NKD1: variants seen among roughly 807,000 people sequenced by gnomAD.
NKD1 encodes protein naked cuticle homolog 1.
A neutral mutation model predicts 56.0 loss-of-function variants in NKD1; 21 were observed. The observed-to-expected ratio is 0.38, with a 90% confidence interval of 0.27 to 0.54. The LOEUF (loss-of-function observed/expected upper bound fraction) is 0.54, where lower values mean the gene tolerates loss of function less well. NKD1 is among the 20% of genes least tolerant of loss of function. The pLI is 0.82. For synonymous variants in NKD1, 263 were observed against 265.7 expected (o/e 0.99, Z 0.10); for missense variants, 578 against 642.7 (o/e 0.90, Z 1.09).
intron 3 of NKD1, among the ~76,000 whole-genome samples, chr16:50,579,561 C>T (rs111360852): frequency 2.5e-5 from 3 of 119,372 alleles, no homozygotes; most frequent in East Asian, 4.9e-4. Flanking sequence ...CACTCTAACC[C>T]GCCACGCATG....
At chr16:50,555,772 G>A (rs1960489116) in intron 3 of NKD1, 1 of 152,198 alleles carries the variant, frequency 6.6e-6, no homozygotes, top group African/African-American at 2.4e-5. Flanking sequence ...CCATGGCTGC[G>A]AATCACAAGA....
intron 3 of NKD1, among the ~76,000 whole-genome samples, chr16:50,564,649 C>T (rs191370064): frequency 2.2e-4 from 34 of 152,202 alleles, no homozygotes; most frequent in Non-Finnish European, 4.1e-4. Context: ...TTCAGAGGGG[C>T]CATGCAGCTT....
chr16:50,599,915 T>TC lies in NKD1; in HGVS notation c.193-8374dup, dbSNP rs1363017055. ...TGGTGTTGGTGTTTTGGGTTTTTTT[T>TC]CCCCCATTAGTCATTTTTTCTCCAT... On this transcript the variant is annotated intron_variant, in intron 3 of 9. Transcript: ENST00000268459. Among the ~76,000 whole-genome samples the TC allele has an allele frequency of 2.0e-5, 3 of 152,088 alleles. No homozygotes were observed. In the East Asian group the frequency reaches 5.8e-4, roughly 29 times the overall value.
intron 3 of NKD1, among the ~76,000 whole-genome samples, chr16:50,563,028 A>G (rs73587987): frequency 0.16 from 19,813 of 123,226 alleles, 2,592 homozygotes; most frequent in African/African-American, 0.38. Context: ...AAGGGGCTGT[A>G]GAAGTGACCT....
At chr16:50,618,961 AAG>A (rs1238391312) in intron 4 of NKD1, among the ~76,000 whole-genome samples, 5 of 152,152 alleles carry the variant, frequency 3.3e-5, no homozygotes, top group Non-Finnish European at 7.4e-5. Context: ...ACGGTGGAGG[AAG>A]AGTGCTCCAG....
At chr16:50,595,758 T>C (rs1961458719) in intron 3 of NKD1, among the ~76,000 whole-genome samples, 1 of 151,976 alleles carries the variant, frequency 6.6e-6, no homozygotes. Flanking sequence ...GGCCCAAGAG[T>C]GGCCTCAAAC....
intron 3 of NKD1, among the ~76,000 whole-genome samples, chr16:50,564,179 A>G (rs1369664758): frequency 1.3e-5 from 2 of 152,260 alleles, no homozygotes; most frequent in Admixed American, 1.3e-4. Flanking sequence ...GGCTGGCCGC[A>G]GCCATGGCCA....
Position 50,555,764 on chromosome 16 carries a change from A to T in NKD1, c.192+6209A>T, listed in dbSNP as rs570441100. 2.0e-5 allele frequency: 3 copies of T among 152,162 alleles called. No homozygotes were observed. In the South Asian group the frequency reaches 6.2e-4, roughly 32 times the overall value. The allele number at this position is 152,162 out of a possible 1,614,324, so 9.4% of individuals were successfully genotyped here. ...GTGAGCTGGGGGGTCCTGCAGCCCC[A>T]TGGCTGCGAATCACAAGATGCTTGG... On this transcript the variant is annotated intron_variant, in intron 3 of 9. Coordinates refer to ENST00000268459, the MANE Select transcript of NKD1 (RefSeq NM_033119.5).
At chr16:50,581,488 T>C (rs140366744) in intron 3 of NKD1, among the ~76,000 whole-genome samples, 13 of 152,370 alleles carry the variant, frequency 8.5e-5, no homozygotes, top group African/African-American at 2.9e-4. Context: ...TCACTCAGCA[T>C]GTCTATTGCA....
chr16:50,611,433 C>T, intron 4 of NKD1, among the ~76,000 whole-genome samples: 1 of 151,792 alleles, frequency 6.6e-6, no homozygotes, highest in South Asian at 2.1e-4. Context: ...CGGGACCAGG[C>T]CCAGGCCTCC....
Position 50,634,724 on chromosome 16 carries a change from T to C in NKD1, c.*943T>C, listed in dbSNP as rs1243092367. ...CTTTCTATAAATATACACTCTCAGG[T>C]ATCTTTTCTGGTGTGTATAAATCAG... On this transcript the variant is annotated 3_prime_UTR_variant, in exon 10 of 10. Transcript: ENST00000268459. 2 of 152,338 alleles carry C rather than the reference T, an allele frequency of 1.3e-5. No individual in the cohort carries two copies. The highest frequency in any genetic ancestry group is 2.9e-5 in the Non-Finnish European group (2 of 68,026). The allele number at this position is 152,338 out of a possible 1,614,324, so 9.4% of individuals were successfully genotyped here. A position where few individuals can be genotyped will look rare whatever the true frequency, so the allele number is the denominator to read the frequency against.
intron 4 of NKD1, 146 bp downstream of exon 4, chr16:50,608,506 G>T: frequency 1.4e-6 from 1 of 690,112 alleles, no homozygotes; most frequent in Non-Finnish European, 2.7e-6. Context: ...GTGGACTAGA[G>T]GGTGGGATGG....
At chr16:50,595,855 T>C (rs1279324549) in intron 3 of NKD1, among the ~76,000 whole-genome samples, 1 of 152,222 alleles carries the variant, frequency 6.6e-6, no homozygotes, top group Non-Finnish European at 1.5e-5. Flanking sequence ...TGATGTGGGC[T>C]GTTGACTGGA....
chr16:50,552,884 A>G (rs1567332292), intron 3 of NKD1, among the ~76,000 whole-genome samples: 1 of 152,176 alleles, frequency 6.6e-6, no homozygotes, highest in Non-Finnish European at 1.5e-5. Context: ...ACTTGGAGGG[A>G]CGCAGGCCAA....
chr16:50,561,085 C>T (rs1406830693), intron 3 of NKD1, among the ~76,000 whole-genome samples: 1 of 152,026 alleles, frequency 6.6e-6, no homozygotes, highest in Non-Finnish European at 1.5e-5. Flanking sequence ...GGTCAGTGCT[C>T]CCAGGGATGC....
At chr16:50,584,524 T>C (rs1188584163) in intron 3 of NKD1, among the ~76,000 whole-genome samples, 30 of 152,238 alleles carry the variant, frequency 2.0e-4, no homozygotes, top group Admixed American at 1.9e-3. Flanking sequence ...TGTGTAACTT[T>C]GGGGCATTAT....
chr16:50,614,776 G>T (rs1285158246), intron 4 of NKD1, among the ~76,000 whole-genome samples: 3 of 152,148 alleles, frequency 2.0e-5, no homozygotes, highest in African/African-American at 7.2e-5. Flanking sequence ...TGTCAGAATG[G>T]TTAGATGACA....
chr16:50,573,281 CTG>C (rs1279169356), intron 3 of NKD1, among the ~76,000 whole-genome samples: 3 of 151,514 alleles, frequency 2.0e-5, no homozygotes, highest in Admixed American at 2.0e-4. Context: ...CCCCTGCACC[CTG>C]TCTGGTCTCC....
intron 3 of NKD1, among the ~76,000 whole-genome samples, chr16:50,585,456 G>T (rs148333302): frequency 6.6e-6 from 1 of 152,206 alleles, no homozygotes; most frequent in Non-Finnish European, 1.5e-5. Context: ...TGCTTTGGAC[G>T]TGCATCCTGG....
Sources: gnomAD v4.1 joint callset for allele counts (sites outside exome capture counted in the v4.1 genomes callset) on GRCh38, gnomAD v4.1.1 for gene constraint, MANE v1.5 for transcripts, NCBI Gene and HGNC (gene_info 2026-07-23, HGNC 2026-07-21) for gene names.